Variants in RAPGEF4 observed in about 807,000 individuals in gnomAD.
RAPGEF4 encodes the protein Rap guanine nucleotide exchange factor 4.
In RAPGEF4, 66 loss-of-function variants were observed where a neutral mutation model predicts 147.9. The ratio of observed to expected loss-of-function variants is 0.45; its 90% CI spans 0.37 to 0.55. The LOEUF (loss-of-function observed/expected upper bound fraction) is 0.55, where lower values mean the gene tolerates loss of function less well. Ranked by LOEUF, RAPGEF4 falls within the 20% of genes least tolerant of loss-of-function variation. The probability of loss-of-function intolerance (pLI) is 0.00; values close to 1 mark genes in which losing one functional copy is unlikely to be tolerated. For synonymous variants in RAPGEF4, 419 were observed against 442.7 expected, an observed-to-expected ratio of 0.95 and a Z score of 0.67; for missense variants, 1,071 against 1,257.3, an observed-to-expected ratio of 0.85 and a Z score of 2.24.
intron 6 of RAPGEF4, among the ~76,000 whole-genome samples, chr2:172,956,216 T>G (rs1179462289): frequency 6.6e-6 from 1 of 152,090 alleles, no homozygotes; most frequent in Non-Finnish European, 1.5e-5. Flanking sequence ...TCCTTCTCCC[T>G]CTGTCCCTTT....
At chr2:173,019,856 C>A (rs1695884960) in intron 22 of RAPGEF4, among the ~76,000 whole-genome samples, 1 of 152,196 alleles carries the variant, frequency 6.6e-6, no homozygotes, top group Non-Finnish European at 1.5e-5. Context: ...ATGTTAACTT[C>A]TTCCCCTTAC....
intron 6 of RAPGEF4, among the ~76,000 whole-genome samples, chr2:172,932,025 TTG>T (rs1040988691): frequency 1.4e-5 from 2 of 148,048 alleles, no homozygotes; most frequent in Non-Finnish European, 3.0e-5. Context: ...GCTTTATATT[TTG>T]TGTGTGTTTT....
At chr2:172,801,817 C>T (rs980155545) in intron 3 of RAPGEF4, among the ~76,000 whole-genome samples, 2 of 152,138 alleles carry the variant, frequency 1.3e-5, no homozygotes, top group African/African-American at 4.8e-5. Context: ...GAGCTTTCCC[C>T]TTGCAGCTTC....
At chr2:172,938,934 C>G (rs1159708548) in intron 6 of RAPGEF4, among the ~76,000 whole-genome samples, 1 of 152,208 alleles carries the variant, frequency 6.6e-6, no homozygotes, top group African/African-American at 2.4e-5. Flanking sequence ...CATCATGCGG[C>G]ATGTAGCCTT....
intron 17 of RAPGEF4, among the ~76,000 whole-genome samples, chr2:173,014,087 C>T (rs555124187): frequency 5.3e-4 from 81 of 152,240 alleles, no homozygotes; most frequent in African/African-American, 1.1e-3. Context: ...AAACCAACAA[C>T]GGGTGGAAAT....
At position 173,027,246 on chromosome 2, in the gene RAPGEF4, A is replaced by G. The variant is rs1696750798; in HGVS notation, c.2545A>G (p.Lys849Glu). The change falls in exon 25 of 31, where the codon AAG (lysine) becomes GAG (glutamate). Residue 849 changes from lysine (K) to glutamate (E), a missense_variant. Physicochemically the swap from Lys to Glu is moderately conservative, Grantham distance 56. Coordinates refer to ENST00000397081, the MANE Select transcript of RAPGEF4 (RefSeq NM_007023.4). ...KRVQLLKKFIKIAAHCKEYKN... is the reference protein window; with the variant it reads ...KRVQLLKKFIEIAAHCKEYKN... The stretch of plus-strand genomic sequence containing the variant: ...TGTTCAGCTATTAAAAAAATTTATT[A>G]AGATAGCAGCCCAGTAAGTATATTT... The G allele has an allele frequency of 6.3e-7, 1 of 1,594,838 alleles. No homozygotes were observed. Among genetic ancestry groups the G allele is most frequent in the Non-Finnish European group, 8.5e-7 (1 of 1,175,030 alleles).
intron 1 of RAPGEF4, among the ~76,000 whole-genome samples, chr2:172,771,484 A>G (rs1683595256): frequency 6.6e-6 from 1 of 152,172 alleles, no homozygotes; most frequent in African/African-American, 2.4e-5. Flanking sequence ...TTGAAAAAAT[A>G]TATAGCATAT....
rs1688909245 is a variant in RAPGEF4 at position 172,957,943 on chromosome 2, C to T, written c.538-2817C>T. On this transcript the variant is annotated intron_variant, in intron 6 of 30. Transcript: ENST00000397081. Reference sequence around the variant, plus strand: ...AGGAACCAGAAAGGGAGCTGTCCAACAAAATAAAGTAGCCTAGAGACCACT... The same window carrying T: ...AGGAACCAGAAAGGGAGCTGTCCAATAAAATAAAGTAGCCTAGAGACCACT... Among the ~76,000 whole-genome samples the T allele has an allele frequency of 3.3e-5, 5 of 152,182 alleles. No individual in the cohort carries two copies. In the South Asian group the frequency reaches 1.0e-3, roughly 32 times the overall value.
intron 16 of RAPGEF4, among the ~76,000 whole-genome samples, chr2:172,999,312 A>T (rs1488815519): frequency 6.6e-6 from 1 of 152,174 alleles, no homozygotes; most frequent in East Asian, 1.9e-4. Flanking sequence ...TTTCTCATAA[A>T]TCAGAAATAC....
chr2:173,017,336 C>G, intron 20 of RAPGEF4, 90 bp from the exon 21 acceptor site: 2 of 1,486,642 alleles, frequency 1.3e-6, no homozygotes, highest in Non-Finnish European at 9.4e-7. Context: ...CATTTCTTGA[C>G]TCTGCTTGCT....
At chr2:172,929,518 A>G (rs1325563960) in intron 6 of RAPGEF4, among the ~76,000 whole-genome samples, 1 of 152,212 alleles carries the variant, frequency 6.6e-6, no homozygotes, top group East Asian at 1.9e-4. Flanking sequence ...ACCTTTACTA[A>G]TATGGTCCAG....
At chr2:172,937,772 C>T (rs556323903) in intron 6 of RAPGEF4, among the ~76,000 whole-genome samples, 1 of 141,004 alleles carries the variant, frequency 7.1e-6, no homozygotes, top group South Asian at 2.5e-4. Flanking sequence ...GATTTGTCTC[C>T]TTTCCCATGT....
chr2:173,039,016 G>A (rs1684408803), intron 29 of RAPGEF4, among the ~76,000 whole-genome samples: 1 of 152,142 alleles, frequency 6.6e-6, no homozygotes, highest in Non-Finnish European at 1.5e-5. Flanking sequence ...CTAGCACTAA[G>A]GAAAGAGATC....
At chr2:172,980,275 T>C (rs1036403715) in intron 10 of RAPGEF4, among the ~76,000 whole-genome samples, 1 of 152,006 alleles carries the variant, frequency 6.6e-6, no homozygotes, top group African/African-American at 2.4e-5. Context: ...CACTTCTAGA[T>C]AGATTAAGCT....
chr2:172,739,328 C>A (rs1383934130), intron 1 of RAPGEF4, among the ~76,000 whole-genome samples: 8 of 143,832 alleles, frequency 5.6e-5, no homozygotes, highest in Admixed American at 3.5e-4. Flanking sequence ...AATGTCCTTT[C>A]TTTTTTTTTT....
intron 25 of RAPGEF4, among the ~76,000 whole-genome samples, chr2:173,029,479 T>C (rs1335396304): frequency 6.6e-6 from 1 of 152,220 alleles, no homozygotes; most frequent in Non-Finnish European, 1.5e-5. Context: ...TTCTGTTTTT[T>C]TCCACATGTC....
At chr2:172,917,974 G>GT in intron 5 of RAPGEF4, 100 bp downstream of exon 5, 1 of 990,348 alleles carries the variant, frequency 1.0e-6, no homozygotes, top group Non-Finnish European at 1.6e-6. Flanking sequence ...GTCAGAGTAA[G>GT]TCTCCAGACT....
chr2:172,786,094 G>A (rs1480163632), intron 1 of RAPGEF4, among the ~76,000 whole-genome samples: 2 of 152,094 alleles, frequency 1.3e-5, no homozygotes, highest in Non-Finnish European at 2.9e-5. Flanking sequence ...CCTAACTCAG[G>A]AACTGGCTAA....
chr2:172,997,746 A>C (rs978778452), intron 16 of RAPGEF4, among the ~76,000 whole-genome samples: 1 of 152,234 alleles, frequency 6.6e-6, no homozygotes, highest in African/African-American at 2.4e-5. Context: ...TCTCACTAAA[A>C]GAAGTTCAGA....
Sources: allele counts gnomAD v4.1 joint callset (sites outside exome capture counted in the v4.1 genomes callset), GRCh38; gene constraint gnomAD v4.1.1; transcripts MANE v1.5; gene names NCBI Gene and HGNC (gene_info 2026-07-23, HGNC 2026-07-21).